Variants in OSBPL6 observed in about 807,000 individuals in gnomAD.
OSBPL6 encodes oxysterol-binding protein-related protein 6.
A neutral mutation model predicts 125.8 loss-of-function variants in OSBPL6; 49 were observed. That is an observed-to-expected ratio of 0.39 (90% CI 0.31 to 0.49). The LOEUF (loss-of-function observed/expected upper bound fraction) is 0.49. OSBPL6 is among the 20% of genes least tolerant of loss of function. OSBPL6 has a pLI of 0.88. For missense variants in OSBPL6, 986 were observed against 1,135.4 expected (o/e 0.87, Z 1.89); for synonymous variants, 394 against 391.8 (o/e 1.01, Z -0.07).
intron 17 of OSBPL6, 92 bp from the exon 18 acceptor site, chr2:178,383,947 C>T (rs1694713336): frequency 7.1e-7 from 1 of 1,401,744 alleles, no homozygotes; most frequent in East Asian, 2.3e-5. Context: ...CACCCATCCA[C>T]ATGAGGTGTG....
At chr2:178,253,113 C>A (rs917921197) in intron 1 of OSBPL6, among the ~76,000 whole-genome samples, 3 of 151,500 alleles carry the variant, frequency 2.0e-5, no homozygotes, top group Non-Finnish European at 4.4e-5. Context: ...CCTCCACCTC[C>A]CAGGTTCAAG....
chr2:178,383,138 T>C lies in OSBPL6; in HGVS notation c.1736T>C (p.Ile579Thr), dbSNP rs1694633693. ...CTGTGGAATATCTTGAGGAACAACA[T>C]TGGTAAAGACCTGTCTAAAGTCTCT... ...INLWNILRNNIGKDLSKVSMP... is the reference protein window; with the variant it reads ...INLWNILRNNTGKDLSKVSMP... The change falls in exon 17 of 25, where the codon ATT becomes ACT. Residue 579 changes from isoleucine (I) to threonine (T), a missense_variant. Transcript: ENST00000190611. 2 of 1,614,142 alleles carry C rather than the reference T, an allele frequency of 1.2e-6. No homozygotes were observed. The highest frequency in any genetic ancestry group is 1.7e-6 in the Non-Finnish European group (2 of 1,180,044).
At chr2:178,332,448 G>A (rs912748494) in intron 6 of OSBPL6, among the ~76,000 whole-genome samples, 193 bp from the exon 7 acceptor site, 1 of 152,198 alleles carries the variant, frequency 6.6e-6, no homozygotes. Flanking sequence ...AAATTGACGT[G>A]AAGTCACTGC....
At chr2:178,361,331 T>A (rs1485784569) in intron 12 of OSBPL6, among the ~76,000 whole-genome samples, 3 of 152,244 alleles carry the variant, frequency 2.0e-5, no homozygotes, top group Non-Finnish European at 1.5e-5. Flanking sequence ...AATATGATAA[T>A]CAAATATGGC....
At chr2:178,218,271 G>A (rs1036648530) in intron 1 of OSBPL6, among the ~76,000 whole-genome samples, 2 of 152,136 alleles carry the variant, frequency 1.3e-5, no homozygotes, top group African/African-American at 2.4e-5. Context: ...TGGTCCATCT[G>A]TAGACAAGTC....
chr2:178,394,486 C>G (rs762822020), intron 24 of OSBPL6, 51 bp downstream of exon 24: 13 of 1,567,548 alleles, frequency 8.3e-6, no homozygotes, highest in Non-Finnish European at 1.1e-5. Context: ...ATGGTTGCCA[C>G]AGGCCATGAG....
intron 3 of OSBPL6, among the ~76,000 whole-genome samples, chr2:178,321,998 G>A (rs1254218306): frequency 6.6e-6 from 1 of 152,140 alleles, no homozygotes; most frequent in Non-Finnish European, 1.5e-5. Flanking sequence ...GGTTTGTGTG[G>A]TTGCTAACTA....
intron 3 of OSBPL6, among the ~76,000 whole-genome samples, chr2:178,309,403 A>G (rs1206150229): frequency 6.6e-6 from 1 of 152,158 alleles, no homozygotes; most frequent in Non-Finnish European, 1.5e-5. Context: ...CAACAACATT[A>G]GTTTTGTATT....
chr2:178,364,928 C>CA (rs1692675704), intron 13 of OSBPL6, among the ~76,000 whole-genome samples: 1 of 152,186 alleles, frequency 6.6e-6, no homozygotes. Flanking sequence ...AAAATAATCC[C>CA]AGCACTTTGG....
intron 2 of OSBPL6, among the ~76,000 whole-genome samples, chr2:178,291,586 A>G (rs981628781): frequency 2.6e-5 from 4 of 152,062 alleles, no homozygotes; most frequent in African/African-American, 9.7e-5. Flanking sequence ...GACCAAGTGC[A>G]TTGTTTCCTG....
At chr2:178,326,110 A>ATTT (rs34323656) in intron 4 of OSBPL6, among the ~76,000 whole-genome samples, 2 of 144,038 alleles carry the variant, frequency 1.4e-5, no homozygotes, top group African/African-American at 2.6e-5. Flanking sequence ...TGGTGGAAGA[A>ATTT]TTTTTTTTTT....
chr2:178,276,169 T>A (rs1412382804), intron 1 of OSBPL6, among the ~76,000 whole-genome samples: 1 of 152,168 alleles, frequency 6.6e-6, no homozygotes, highest in African/African-American at 2.4e-5. Flanking sequence ...CTTTCATAAA[T>A]TTACCAATCC....
intron 13 of OSBPL6, among the ~76,000 whole-genome samples, chr2:178,362,953 T>C (rs143840646): frequency 5.8e-4 from 88 of 152,358 alleles, no homozygotes; most frequent in African/African-American, 2.1e-3. Flanking sequence ...ACCCTTCTCA[T>C]GTCATGGATC....
At chr2:178,365,069 G>A (rs1468211380) in intron 13 of OSBPL6, among the ~76,000 whole-genome samples, 1 of 152,102 alleles carries the variant, frequency 6.6e-6, no homozygotes, top group Non-Finnish European at 1.5e-5. Context: ...CCAGCTGTTT[G>A]GGAGGTTGAG....
At chr2:178,255,308 A>T (rs759689296) in intron 1 of OSBPL6, among the ~76,000 whole-genome samples, 12 of 152,110 alleles carry the variant, frequency 7.9e-5, no homozygotes, top group Non-Finnish European at 1.6e-4. Context: ...ACTCCGTCTC[A>T]AAAACAAAAA....
At chr2:178,234,218 A>G (rs1003958227) in intron 1 of OSBPL6, among the ~76,000 whole-genome samples, 21 of 152,242 alleles carry the variant, frequency 1.4e-4, no homozygotes, top group Admixed American at 4.6e-4. Context: ...AATAATGACA[A>G]CAACATCAAC....
At chr2:178,370,077 G>A (rs1360638195) in intron 13 of OSBPL6, among the ~76,000 whole-genome samples, 2 of 151,954 alleles carry the variant, frequency 1.3e-5, no homozygotes, top group Non-Finnish European at 2.9e-5. Flanking sequence ...CCAGCCTGGC[G>A]AACATGGCAA....
At chr2:178,370,649 T>C (rs779715076) in intron 13 of OSBPL6, among the ~76,000 whole-genome samples, 2 of 152,208 alleles carry the variant, frequency 1.3e-5, no homozygotes, top group Admixed American at 6.5e-5. Flanking sequence ...TCACCTTTTT[T>C]CCCATAAAAC....
chr2:178,296,831 A>G (rs980402153), intron 2 of OSBPL6, among the ~76,000 whole-genome samples: 1 of 152,218 alleles, frequency 6.6e-6, no homozygotes, highest in Non-Finnish European at 1.5e-5. Context: ...TCATGTAACA[A>G]TGAATGAGCA....
Sources: gnomAD v4.1 joint callset for allele counts (sites outside exome capture counted in the v4.1 genomes callset) on GRCh38, gnomAD v4.1.1 for gene constraint, MANE v1.5 for transcripts, NCBI Gene and HGNC (gene_info 2026-07-23, HGNC 2026-07-21) for gene names.